Variants in NALCN observed in about 807,000 individuals in gnomAD.
The protein encoded by NALCN is sodium leak channel, non-selective.
NALCN carries 111 observed loss-of-function variants against 225.3 expected under a neutral mutation model. That is an observed-to-expected ratio of 0.49 (90% CI 0.42 to 0.58). NALCN has a LOEUF of 0.58. Ranked by LOEUF, NALCN falls within the 20% of genes least tolerant of loss-of-function variation. NALCN has a pLI of 0.00. For missense variants in NALCN, 1,378 were observed against 2,202.4 expected (o/e 0.63, Z 7.49); for synonymous variants, 764 against 769.0 (o/e 0.99, Z 0.11).
intron 13 of NALCN, among the ~76,000 whole-genome samples, chr13:101,208,511 T>C (rs1346053523): frequency 6.6e-6 from 1 of 152,262 alleles, no homozygotes; most frequent in Non-Finnish European, 1.5e-5. Context: ...TTAATATGTC[T>C]TTTAATCATT....
intron 10 of NALCN, among the ~76,000 whole-genome samples, chr13:101,264,892 C>T (rs373661907): frequency 3.3e-5 from 5 of 152,114 alleles, no homozygotes; most frequent in African/African-American, 9.7e-5. Context: ...GTTTTGCAAC[C>T]ATTTGGAGGC....
chr13:101,120,283 C>T (rs1229228417), intron 18 of NALCN, among the ~76,000 whole-genome samples: 1 of 152,146 alleles, frequency 6.6e-6, no homozygotes, highest in African/African-American at 2.4e-5. Context: ...AGAGCTGAGC[C>T]TCTGCGTCAA....
chr13:101,232,126 C>A (rs889520974), intron 12 of NALCN, among the ~76,000 whole-genome samples: 5 of 151,458 alleles, frequency 3.3e-5, no homozygotes, highest in African/African-American at 1.2e-4. Flanking sequence ...GACACACCAA[C>A]AGAAGAAAGG....
Position 101,106,793 on chromosome 13 carries a change from T to A in NALCN, c.2579+694A>T, listed in dbSNP as rs9557588. On this transcript the variant is annotated intron_variant, in intron 22 of 43. Coordinates refer to ENST00000251127, the MANE Select transcript of NALCN (RefSeq NM_052867.4). ...TTCCCCAGCCACTTGGAACTGTGAA[T>A]CCAATAAATCTCTTTTTCTTTATAA... Among the ~76,000 whole-genome samples, 1,397 of 152,342 alleles carry A rather than the reference T, an allele frequency of 9.2e-3. 17 individuals are homozygous for A. The highest frequency in any genetic ancestry group is 0.043 in the South Asian group (206 of 4,828).
intron 14 of NALCN, among the ~76,000 whole-genome samples, chr13:101,184,646 A>G (rs1486572944): frequency 6.6e-6 from 1 of 152,206 alleles, no homozygotes; most frequent in Middle Eastern, 3.2e-3. Context: ...ATTTTGTCCA[A>G]CATAATGTAG....
At chr13:101,188,515 G>A (rs2039539583) in intron 14 of NALCN, among the ~76,000 whole-genome samples, 1 of 151,702 alleles carries the variant, frequency 6.6e-6, no homozygotes, top group Non-Finnish European at 1.5e-5. Flanking sequence ...GGCATAAAAT[G>A]TATTTAGATG....
At chr13:101,100,439 G>T (rs1206526208) in intron 27 of NALCN, among the ~76,000 whole-genome samples, 3 of 152,152 alleles carry the variant, frequency 2.0e-5, no homozygotes, top group Admixed American at 2.0e-4. Context: ...AACCTTTCTA[G>T]CCAGAAGAGA....
At chr13:101,380,047 G>T (rs1403106124) in intron 3 of NALCN, among the ~76,000 whole-genome samples, 1 of 151,392 alleles carries the variant, frequency 6.6e-6, no homozygotes, top group Non-Finnish European at 1.5e-5. Flanking sequence ...GACATCTACA[G>T]AACTTTCCAC....
chr13:101,407,151 T>C (rs1303755274), intron 1 of NALCN, among the ~76,000 whole-genome samples: 1 of 152,216 alleles, frequency 6.6e-6, no homozygotes, highest in Non-Finnish European at 1.5e-5. Context: ...CTCTCTGTTC[T>C]TCTAGCAAGG....
At chr13:101,380,093 A>AT (rs559475839) in intron 3 of NALCN, among the ~76,000 whole-genome samples, 94 of 152,228 alleles carry the variant, frequency 6.2e-4, no homozygotes, top group African/African-American at 2.2e-3. Context: ...ACATATATAC[A>AT]TTTTTTCTCA....
At chr13:101,326,218 C>CA (rs1566578881) in intron 7 of NALCN, among the ~76,000 whole-genome samples, 1 of 152,146 alleles carries the variant, frequency 6.6e-6, no homozygotes, top group Non-Finnish European at 1.5e-5. Flanking sequence ...AATTTGTAAT[C>CA]AAATGAAAAT....
intron 13 of NALCN, among the ~76,000 whole-genome samples, chr13:101,215,804 G>A (rs149960970): frequency 9.2e-5 from 14 of 151,990 alleles, no homozygotes; most frequent in African/African-American, 2.2e-4. Context: ...TGCTGCACCC[G>A]TTAACTCATC....
At chr13:101,300,166 G>A (rs552191820) in intron 7 of NALCN, among the ~76,000 whole-genome samples, 3 of 152,052 alleles carry the variant, frequency 2.0e-5, no homozygotes, top group Non-Finnish European at 4.4e-5. Context: ...AGCAAGAAAG[G>A]TGCATCCTGA....
chr13:101,237,033 G>C (rs1209091070), intron 12 of NALCN, among the ~76,000 whole-genome samples: 3 of 151,640 alleles, frequency 2.0e-5, no homozygotes, highest in Admixed American at 6.6e-5. Context: ...TTTTTGACTA[G>C]AATACCATGT....
At chr13:101,255,707 C>T (rs981207773) in intron 11 of NALCN, among the ~76,000 whole-genome samples, 2 of 152,268 alleles carry the variant, frequency 1.3e-5, no homozygotes, top group African/African-American at 2.4e-5. Context: ...GTCTCTCCTA[C>T]GTTAAATAAT....
chr13:101,248,618 G>A (rs1485689118), intron 11 of NALCN, among the ~76,000 whole-genome samples: 2 of 152,108 alleles, frequency 1.3e-5, no homozygotes, highest in Non-Finnish European at 2.9e-5. Context: ...CAAAGCTCAG[G>A]TGAGCTTCCC....
chr13:101,152,855 TA>T (rs539227560), intron 15 of NALCN, among the ~76,000 whole-genome samples: 47 of 152,056 alleles, frequency 3.1e-4, no homozygotes, highest in African/African-American at 3.9e-4. Context: ...CTCAGTGTGA[TA>T]AAAAAAAGTA....
intron 11 of NALCN, among the ~76,000 whole-genome samples, chr13:101,255,976 C>T (rs1594538150): frequency 6.6e-6 from 1 of 152,160 alleles, no homozygotes; most frequent in Admixed American, 6.6e-5. Context: ...GTCACTCGCT[C>T]ATTCCCCGTG....
Position 101,089,370 on chromosome 13 carries a change from A to G in NALCN, c.3489+293T>C, listed in dbSNP as rs2034098171. Among the ~76,000 whole-genome samples the G allele has an allele frequency of 6.6e-6, 1 of 152,200 alleles. No individual in the cohort carries two copies. Among genetic ancestry groups the G allele is most frequent in the Non-Finnish European group, 1.5e-5 (1 of 68,032 alleles). ...CACTTTCATCTATTGTATTTTAATA[A>G]CTTGCTGCCCATCTTTCTTTTCAAT... On this transcript the variant is annotated intron_variant, in intron 30 of 43. Transcript: ENST00000251127. This position sits in a 1 kb window ranked among gnomAD's most constrained non-coding sequence, Gnocchi z 4.7.
Sources: gnomAD v4.1 joint callset for allele counts (sites outside exome capture counted in the v4.1 genomes callset) on GRCh38, gnomAD v4.1.1 for gene constraint, Gnocchi (gnomAD v3.1) non-coding constraint, MANE v1.5 for transcripts, NCBI Gene and HGNC (gene_info 2026-07-23, HGNC 2026-07-21) for gene names.